RFX3: variants seen among roughly 807,000 people sequenced by gnomAD.
RFX3 encodes regulatory factor X3.
A neutral mutation model predicts 98.6 loss-of-function variants in RFX3; 14 were observed. The observed-to-expected ratio is 0.14, with a 90% CI of 0.09 to 0.22. The LOEUF (loss-of-function observed/expected upper bound fraction) is 0.22. RFX3 is among the 10% of genes least tolerant of loss of function. The pLI, the probability that RFX3 is intolerant of heterozygous loss-of-function variation, is 1.00. For synonymous variants in RFX3, 383 were observed against 328.4 expected (o/e 1.17, Z -1.80); for missense variants, 639 against 926.9 (o/e 0.69, Z 4.03).
intron 15 of RFX3, among the ~76,000 whole-genome samples, chr9:3,231,102 C>T (rs982929228): frequency 2.6e-5 from 4 of 152,130 alleles, no homozygotes; most frequent in Non-Finnish European, 4.4e-5. Context: ...ATACTAAATT[C>T]CGAGGCTTGT....
At chr9:3,444,507 C>G (rs913284) in intron 1 of RFX3, among the ~76,000 whole-genome samples, 10,159 of 152,106 alleles carry the variant, frequency 0.067, 985 homozygotes, top group African/African-American at 0.21. Flanking sequence ...CTTGATTGTA[C>G]TGTTAGTTTC....
At chr9:3,382,053 T>C (rs1839246585) in intron 2 of RFX3, among the ~76,000 whole-genome samples, 1 of 152,098 alleles carries the variant, frequency 6.6e-6, no homozygotes. Context: ...TCTATCTCCT[T>C]TGTCCCCCTT....
intron 4 of RFX3, among the ~76,000 whole-genome samples, chr9:3,329,421 A>C (rs986070905): frequency 1.3e-4 from 19 of 150,066 alleles, no homozygotes; most frequent in Non-Finnish European, 2.1e-4. Context: ...AAAAAAAAAA[A>C]AAAAAAACAA....
At position 3,516,346 on chromosome 9, in the gene RFX3, C is replaced by G. The variant is rs187517674; in HGVS notation, c.-9+9401G>C. ...TACAGGCATGAGCCACCGCACCCAG[C>G]CTAAACTAAAAATTTTTTAAAATTT... On this transcript the variant is annotated intron_variant, in intron 1 of 16. Transcript: ENST00000617270. Among the ~76,000 whole-genome samples the G allele has an allele frequency of 9.7e-4, 148 of 152,232 alleles. 2 individuals are homozygous for G. In the South Asian group the frequency reaches 0.028, roughly 29 times the overall value.
At chr9:3,264,845 C>T (rs1823403961) in intron 12 of RFX3, among the ~76,000 whole-genome samples, 2 of 152,174 alleles carry the variant, frequency 1.3e-5, no homozygotes, top group South Asian at 4.1e-4. Context: ...TTCAACCAAA[C>T]TCTGGAGGTC....
At chr9:3,439,824 A>G (rs999028185) in intron 1 of RFX3, among the ~76,000 whole-genome samples, 2 of 152,012 alleles carry the variant, frequency 1.3e-5, no homozygotes, top group African/African-American at 2.4e-5. Flanking sequence ...TTACAAGAAA[A>G]GGAAACCACA....
intron 15 of RFX3, among the ~76,000 whole-genome samples, chr9:3,246,363 C>T (rs965647247): frequency 2.6e-5 from 4 of 152,024 alleles, no homozygotes; most frequent in South Asian, 2.1e-4. Flanking sequence ...ATTCTGGTGC[C>T]GCCTGTGCAA....
chr9:3,369,123 TG>T (rs1242449868), intron 2 of RFX3, among the ~76,000 whole-genome samples: 1 of 152,184 alleles, frequency 6.6e-6, no homozygotes, highest in Non-Finnish European at 1.5e-5. Context: ...AGGAAGACAG[TG>T]AAGAGTGCTG....
chr9:3,238,952 C>T (rs1401027423), intron 15 of RFX3, among the ~76,000 whole-genome samples: 1 of 150,846 alleles, frequency 6.6e-6, no homozygotes. Context: ...GAGCCGAGAT[C>T]ACCATTGCAC....
rs967203816 is a variant in RFX3, at chr9:3,220,758, A to C, written c.*4284T>G. On this transcript the variant is annotated 3_prime_UTR_variant, in exon 17 of 17. Coordinates refer to ENST00000617270, the MANE Select transcript of RFX3 (RefSeq NM_001282116.2). ...CCCATTGTATATCTTACAATGCTCA[A>C]AGGGTTAATACAAGGCATTACATCA... 1 of 152,138 alleles carries C rather than the reference A, an allele frequency of 6.6e-6. No individual in the cohort carries two copies. The highest frequency in any genetic ancestry group is 2.4e-5 in the African/African-American group (1 of 41,436). 9.4% of individuals were successfully genotyped at this position (152,138 alleles called of 1,614,324 possible).
At chr9:3,259,155 G>A (rs1263097473) in intron 13 of RFX3, among the ~76,000 whole-genome samples, 9 of 151,916 alleles carry the variant, frequency 5.9e-5, no homozygotes. Flanking sequence ...GAAATTAGCA[G>A]GAGAGGTTTT....
intron 4 of RFX3, among the ~76,000 whole-genome samples, chr9:3,302,389 A>G (rs975556992): frequency 6.6e-6 from 1 of 151,836 alleles, no homozygotes; most frequent in Non-Finnish European, 1.5e-5. Context: ...TGTTAGTGAT[A>G]AATGTGATAC....
intron 1 of RFX3, among the ~76,000 whole-genome samples, chr9:3,511,773 C>T (rs1231878993): frequency 2.0e-5 from 3 of 152,050 alleles, no homozygotes; most frequent in Non-Finnish European, 2.9e-5. Flanking sequence ...TGTCCCTGGA[C>T]TTTCTCCCTT....
At chr9:3,308,003 G>C (rs1410903272) in intron 4 of RFX3, among the ~76,000 whole-genome samples, 1 of 151,948 alleles carries the variant, frequency 6.6e-6, no homozygotes, top group Non-Finnish European at 1.5e-5. Context: ...TTAAAAATGG[G>C]GATAGTAAAC....
chr9:3,434,287 C>T (rs1844920374), intron 1 of RFX3, among the ~76,000 whole-genome samples: 1 of 152,112 alleles, frequency 6.6e-6, no homozygotes, highest in East Asian at 1.9e-4. Context: ...AACAAATACG[C>T]TTCTAACAGA....
chr9:3,267,200 C>G (rs1346161246), intron 11 of RFX3, among the ~76,000 whole-genome samples: 3 of 151,852 alleles, frequency 2.0e-5, no homozygotes, highest in Admixed American at 1.3e-4. Context: ...GCCCAAGGCT[C>G]CATAGTAATG....
rs547748086 is a variant in RFX3 at position 3,448,163 on chromosome 9, T to TA, written c.-8-52568dup. Among the ~76,000 whole-genome samples, 162 of 149,506 alleles carry TA rather than the reference T, an allele frequency of 1.1e-3. 1 individual carries two copies. The highest frequency in any genetic ancestry group is 8.5e-4 in the South Asian group (4 of 4,726). Reference sequence around the variant, plus strand: ...ACTCTGTAAACATAAACACATGATTTAAAAAAAAAAATTACATTCTTACAA... The same window carrying TA: ...ACTCTGTAAACATAAACACATGATTTAAAAAAAAAAAATTACATTCTTACAA... On this transcript the variant is annotated intron_variant, in intron 1 of 16. Transcript: ENST00000617270.
chr9:3,314,379 A>T (rs1227450654), intron 4 of RFX3, among the ~76,000 whole-genome samples: 1 of 152,218 alleles, frequency 6.6e-6, no homozygotes, highest in Non-Finnish European at 1.5e-5. Context: ...GAAGCACTGA[A>T]CATGGAAACA....
intron 7 of RFX3, among the ~76,000 whole-genome samples, chr9:3,284,273 A>G (rs1826290287): frequency 6.6e-6 from 1 of 151,726 alleles, no homozygotes; most frequent in Non-Finnish European, 1.5e-5. Flanking sequence ...TTCATTATCA[A>G]AAATAAACTG....
Sources: gnomAD v4.1 joint callset for allele counts (sites outside exome capture counted in the v4.1 genomes callset) on GRCh38, gnomAD v4.1.1 for gene constraint, MANE v1.5 for transcripts, NCBI Gene and HGNC (gene_info 2026-07-23, HGNC 2026-07-21) for gene names.